Variants in HEATR9 observed in about 807,000 individuals in gnomAD.
HEATR9 encodes protein HEATR9.
A neutral mutation model predicts 68.2 loss-of-function variants in HEATR9; 54 were observed. The observed-to-expected ratio is 0.79, with a 90% confidence interval of 0.64 to 0.99. The LOEUF is 0.99. Among genes scored for constraint, HEATR9 ranks in the 50% least tolerant of loss-of-function variants. The pLI is 0.00. For synonymous variants in HEATR9, 241 were observed against 253.5 expected (o/e 0.95, Z 0.47); for missense variants, 662 against 679.7 (o/e 0.97, Z 0.29).
intron 8 of HEATR9, chr17:35,861,476 A>G (rs2143930293): frequency 1.4e-6 from 2 of 1,437,462 alleles, no homozygotes; most frequent in South Asian, 2.3e-5. Context: ...GATTTACAAA[A>G]TCTGAACACC....
chr17:35,868,572 C>A (rs914364186), intron 1 of HEATR9, 83 bp downstream of exon 1: 27 of 1,592,838 alleles, frequency 1.7e-5, no homozygotes, highest in South Asian at 2.3e-5. Context: ...CTCACCTAGA[C>A]CCTTGCCTGG....
In HEATR9 at chr17:35,865,217, AC is replaced by A; in HGVS notation, c.317del (p.Cys106LeufsTer19). Reference protein sequence around the residue: ...EKMLRKMRDDCRYIKEVHQTH... With the variant: ...EKMLRKMRDDXRYIKEVHQTH... ...ATATGGAGGCCAGCAAAACACACCT[AC>A]AGTCATCTCTCATTTTCCTCAACAT... On this transcript the variant is annotated frameshift_variant, in exon 3 of 15. Coordinates refer to ENST00000604834, the MANE Select transcript of HEATR9 (RefSeq NM_152781.4). LOFTEE classifies it high-confidence loss of function. The A allele has an allele frequency of 6.2e-7, 1 of 1,613,096 alleles. No individual in the cohort carries two copies. The highest frequency in any genetic ancestry group is 8.5e-7 in the Non-Finnish European group (1 of 1,179,412).
At chr17:35,863,791 C>A in intron 6 of HEATR9, 1 of 594,478 alleles carries the variant, frequency 1.7e-6, no homozygotes, top group Non-Finnish European at 3.0e-6. Flanking sequence ...AGCCACTTGG[C>A]CCTGGGCAAG....
chr17:35,867,606 C>A (rs145523210), intron 1 of HEATR9, among the ~76,000 whole-genome samples: 2 of 151,962 alleles, frequency 1.3e-5, no homozygotes, highest in South Asian at 4.2e-4. Context: ...CCAAGGAGTT[C>A]AAGACCAATC....
At chr17:35,857,878 TAGG>T (rs2087832253) in intron 11 of HEATR9, among the ~76,000 whole-genome samples, 2 of 152,148 alleles carry the variant, frequency 1.3e-5, no homozygotes, top group South Asian at 4.1e-4. Context: ...AAGCTTCCCA[TAGG>T]AGGTATCGTT....
chr17:35,855,426 G>C lies in HEATR9; in HGVS notation c.1366-16C>G. On this transcript the variant is annotated splice_polypyrimidine_tract_variant and intron_variant, in intron 14 of 14. Coordinates refer to ENST00000604834, the MANE Select transcript of HEATR9 (RefSeq NM_152781.4). ...TTTCTTGTAGCTGCATTGAAACAAA[G>C]GTCCTAGTGCTGGCTCACTTTGGGT... 1 of 1,603,874 alleles carries C rather than the reference G, an allele frequency of 6.2e-7. No homozygotes were observed. Among genetic ancestry groups the C allele is most frequent in the Non-Finnish European group, 8.5e-7 (1 of 1,171,984 alleles).
In HEATR9 at chr17:35,856,748, T is replaced by C. The variant is rs769667465; in HGVS notation, c.1210A>G (p.Met404Val). The C allele has an allele frequency of 5.0e-6, 8 of 1,605,432 alleles. No individual in the cohort carries two copies. In the South Asian group the frequency reaches 7.9e-5, roughly 16 times the overall value. ...GCCACTCACGCCTCCACCAAGTTCATCATCGTAGGCTTCAACTTGAGCTCT... is the reference window on the plus strand; with the variant it reads ...GCCACTCACGCCTCCACCAAGTTCACCATCGTAGGCTTCAACTTGAGCTCT... Reference protein sequence around the residue: ...VEELKLKPTMMNLVEAQLMNP... With the variant: ...VEELKLKPTMVNLVEAQLMNP... Residue 404 changes from methionine to valine, a missense_variant, in exon 12 of 15, where the codon ATG becomes GTG. Coordinates refer to ENST00000604834, the MANE Select transcript of HEATR9 (RefSeq NM_152781.4).
chr17:35,856,808 G>T lies in HEATR9; in HGVS notation c.1153-3C>A. 1 of 1,599,984 alleles carries T rather than the reference G, an allele frequency of 6.3e-7. No individual in the cohort carries two copies. Among genetic ancestry groups the T allele is most frequent in the Non-Finnish European group, 8.5e-7 (1 of 1,172,788 alleles). On this transcript the variant is annotated splice_region_variant and splice_polypyrimidine_tract_variant and intron_variant, in intron 11 of 14. Transcript: ENST00000604834. The stretch of plus-strand genomic sequence containing the variant: ...TGAGCCACAGCCTGCCTCACAGCCT[G>T]CAGAGGGATCAAAATGAGTCAACAG...
At chr17:35,866,936 C>T (rs1397378984) in intron 1 of HEATR9, among the ~76,000 whole-genome samples, 163 bp from the exon 2 acceptor site, 2 of 151,892 alleles carry the variant, frequency 1.3e-5, no homozygotes, top group Non-Finnish European at 2.9e-5. Flanking sequence ...GGTGAAACCC[C>T]ATCTCTACTA....
rs1316981242 is a variant in HEATR9, at chr17:35,865,252, C to T, written c.283G>A (p.Ala95Thr). 4.3e-6 allele frequency: 7 copies of T among 1,613,978 alleles called. No individual in the cohort carries two copies. Among genetic ancestry groups the T allele is most frequent in the Non-Finnish European group, 5.1e-6 (6 of 1,179,996 alleles). Residue 95 changes from alanine to threonine, a missense_variant, in exon 3 of 15, where the codon GCT (alanine) becomes ACT (threonine). Ala to Thr is a moderately conservative substitution (Grantham distance 58). Coordinates refer to ENST00000604834, the MANE Select transcript of HEATR9 (RefSeq NM_152781.4). ...DLYDQREERE[A>T]EKMLRKMRDD... Reference sequence around the variant, plus strand: ...CTCATTTTCCTCAACATCTTCTCAGCCTCCCTTTCCTCTCGCTGATCATAC... The same window carrying T: ...CTCATTTTCCTCAACATCTTCTCAGTCTCCCTTTCCTCTCGCTGATCATAC...
At chr17:35,861,919 C>T (rs1044459819) in intron 8 of HEATR9, among the ~76,000 whole-genome samples, 5 of 151,514 alleles carry the variant, frequency 3.3e-5, no homozygotes, top group Non-Finnish European at 7.4e-5. Flanking sequence ...AGTGCAATGG[C>T]GCGATCTTGG....
chr17:35,857,716 G>A (rs189389947), intron 11 of HEATR9, among the ~76,000 whole-genome samples: 5 of 151,948 alleles, frequency 3.3e-5, no homozygotes, highest in African/African-American at 9.7e-5. Context: ...CCAAGATCGC[G>A]CCACTGCACT....
At chr17:35,861,665 C>T in intron 8 of HEATR9, 1 of 569,858 alleles carries the variant, frequency 1.8e-6, no homozygotes, top group Non-Finnish European at 3.1e-6. Flanking sequence ...TCTCAGATAT[C>T]TGTAAGGCTA....
Position 35,864,858 on chromosome 17 carries a change from T to C in HEATR9, c.353A>G (p.Lys118Arg). 1 of 1,614,188 alleles carries C rather than the reference T, an allele frequency of 6.2e-7. No individual in the cohort carries two copies. Among genetic ancestry groups the C allele is most frequent in the Non-Finnish European group, 8.5e-7 (1 of 1,180,038 alleles). ...YIKEVHQTHIKMFHLPMSKLT... is the reference protein window; with the variant it reads ...YIKEVHQTHIRMFHLPMSKLT... ...CTTGCTCATTGGGAGATGGAACATT[T>C]TGATGTGGGTTTGATGTACCTCTTT... Residue 118 changes from lysine to arginine, a missense_variant, in exon 4 of 15, where the codon AAA (lysine) becomes AGA (arginine). Transcript: ENST00000604834.
At chr17:35,868,332 AG>A (rs2088281922) in intron 1 of HEATR9, among the ~76,000 whole-genome samples, 2 of 152,186 alleles carry the variant, frequency 1.3e-5, no homozygotes, top group African/African-American at 4.8e-5. Flanking sequence ...CAGGTAGATA[AG>A]GGGGAAGAGC....
In HEATR9 at chr17:35,858,278, C is replaced by G. The variant is rs765733847; in HGVS notation, c.1074G>C (p.Leu358=). 1 of 1,614,164 alleles carries G rather than the reference C, an allele frequency of 6.2e-7. No individual in the cohort carries two copies. Among genetic ancestry groups the G allele is most frequent in the South Asian group, 1.1e-5 (1 of 91,078 alleles). ...CTAGCCCCTGTGCCTGGATCTGTTC[C>G]AGCCCAATGGTCTTGAGCATTTGGG... ...EATQMLKTIG[L]EQIQAQGLEE... is the part of the protein sequence containing the mutation. Residue 358 remains leucine, a synonymous_variant, in exon 11 of 15, where the codon CTG becomes CTC. Coordinates refer to ENST00000604834, the MANE Select transcript of HEATR9 (RefSeq NM_152781.4).
chr17:35,858,277 C>T lies in HEATR9; in HGVS notation c.1075G>A (p.Glu359Lys), dbSNP rs777243272. ...ATQMLKTIGLEQIQAQGLEEL... is the reference protein window; with the variant it reads ...ATQMLKTIGLKQIQAQGLEEL... Reference sequence around the variant, plus strand: ...TCTAGCCCCTGTGCCTGGATCTGTTCCAGCCCAATGGTCTTGAGCATTTGG... The same window carrying T: ...TCTAGCCCCTGTGCCTGGATCTGTTTCAGCCCAATGGTCTTGAGCATTTGG... The change falls in exon 11 of 15, where the codon GAA (glutamate) becomes AAA (lysine). Residue 359 changes from glutamate to lysine, a missense_variant. Physicochemically the swap from Glu to Lys is moderately conservative, Grantham distance 56. Transcript: ENST00000604834. 1.2e-6 allele frequency: 2 copies of T among 1,614,158 alleles called. No individual in the cohort carries two copies. The highest frequency in any genetic ancestry group is 3.3e-5 in the Admixed American group (2 of 60,022).
intron 12 of HEATR9, 62 bp from the exon 13 acceptor site, chr17:35,856,286 G>A: frequency 1.2e-6 from 2 of 1,613,744 alleles, no homozygotes; most frequent in Non-Finnish European, 1.7e-6. Context: ...TGGAAGGGAG[G>A]CTGGTTGCTT....
intron 3 of HEATR9, 106 bp from the exon 4 acceptor site, chr17:35,864,996 CA>C: frequency 6.9e-7 from 1 of 1,453,946 alleles, no homozygotes; most frequent in Non-Finnish European, 9.6e-7. Context: ...GATATGGGAC[CA>C]GAGGAAGACA....
Sources: gnomAD v4.1 joint callset for allele counts (sites outside exome capture counted in the v4.1 genomes callset) on GRCh38, gnomAD v4.1.1 for gene constraint, MANE v1.5 for transcripts, NCBI Gene and HGNC (gene_info 2026-07-23, HGNC 2026-07-21) for gene names.